ARID3A: variants seen among roughly 807,000 people sequenced by gnomAD.
ARID3A encodes AT-rich interactive domain-containing protein 3A.
ARID3A carries 11 observed loss-of-function variants against 52.7 expected under a neutral mutation model. That is an observed-to-expected ratio of 0.21 (90% confidence interval 0.13 to 0.35). ARID3A has a LOEUF of 0.35. Ranked by LOEUF, ARID3A falls within the 10% of genes least tolerant of loss-of-function variation. ARID3A has a pLI of 1.00. For synonymous variants in ARID3A, 404 were observed against 359.4 expected, an observed-to-expected ratio of 1.12 and a Z score of -1.40; for missense variants, 721 against 838.5, an observed-to-expected ratio of 0.86 and a Z score of 1.73.
intron 3 of ARID3A, among the ~76,000 whole-genome samples, chr19:955,917 G>A (rs998729337): frequency 6.6e-6 from 1 of 152,118 alleles, no homozygotes; most frequent in Non-Finnish European, 1.5e-5. Flanking sequence ...GTCCAAAATC[G>A]AGGCGTCCGC....
At position 944,059 on chromosome 19, in the gene ARID3A, C is replaced by T. The variant is rs955987713; in HGVS notation, c.693+11317C>T. On this transcript the variant is annotated intron_variant, in intron 3 of 8. Coordinates refer to ENST00000263620, the MANE Select transcript of ARID3A (RefSeq NM_005224.3). The surrounding 1 kb of genome is among the most constrained non-coding windows in gnomAD (Gnocchi z 5.9). ...GACCCTCTCATGGGCACTTACGGGG[C>T]ATCTGTATGCCAGCCCGACCCTCTC... Among the ~76,000 whole-genome samples the T allele has an allele frequency of 1.8e-4, 2 of 11,366 alleles. No individual in the cohort carries two copies. The highest frequency in any genetic ancestry group is 7.6e-4 in the Admixed American group (1 of 1,314). 7.5% of individuals were successfully genotyped at this position (11,366 alleles called of 152,430 possible).
chr19:965,162 C>A lies in ARID3A; in HGVS notation c.1198+82C>A, dbSNP rs1477363408. On this transcript the variant is annotated intron_variant, in intron 6 of 8. Transcript: ENST00000263620. Reference sequence around the variant, plus strand: ...CTGACCTTGGGGGATACCTCTTCCCCTCTCTGGGTAACCAGGATGAAAAAC... The same window carrying A: ...CTGACCTTGGGGGATACCTCTTCCCATCTCTGGGTAACCAGGATGAAAAAC... The A allele has an allele frequency of 6.2e-6, 9 of 1,440,056 alleles. No individual in the cohort carries two copies. The African/African-American group carries it at 1.1e-4, about 18-fold the overall frequency. The allele number at this position is 1,440,056 out of a possible 1,614,324, so 89.2% of individuals were successfully genotyped here. A position where few individuals can be genotyped will look rare whatever the true frequency, so the allele number is the denominator to read the frequency against.
At position 972,647 on chromosome 19, in the gene ARID3A, G is replaced by C. The variant is rs866816490; in HGVS notation, c.*582G>C. ...TTTGGGAAATTTTTTTTTCTCTGTA[G>C]GGTTTTTAAGAGGTTTCGGGGGTTT... On this transcript the variant is annotated 3_prime_UTR_variant, in exon 9 of 9. Coordinates refer to ENST00000263620, the MANE Select transcript of ARID3A (RefSeq NM_005224.3). 1 of 221,516 alleles carries C rather than the reference G, an allele frequency of 4.5e-6. No homozygotes were observed. The highest frequency in any genetic ancestry group is 2.3e-5 in the African/African-American group (1 of 44,140). The allele number at this position is 221,516 out of a possible 1,614,324, so 13.7% of individuals were successfully genotyped here.
chr19:964,914 C>T lies in ARID3A; in HGVS notation c.1032C>T (p.Ser344=). The T allele has an allele frequency of 6.2e-7, 1 of 1,613,954 alleles. No individual in the cohort carries two copies. Among genetic ancestry groups the T allele is most frequent in the Middle Eastern group, 1.6e-4 (1 of 6,062 alleles). ...NPNELQAAID[S]NRREGRRQSF... ...ATGAGCTCCAGGCAGCCATAGACAGCAACCGACGGGAGGGCCGGCGCCAGA... is the reference window on the plus strand; with the variant it reads ...ATGAGCTCCAGGCAGCCATAGACAGTAACCGACGGGAGGGCCGGCGCCAGA... Residue 344 remains serine, a synonymous_variant, in exon 6 of 9, where the codon AGC becomes AGT. Transcript: ENST00000263620. This position sits in a 1 kb window ranked among gnomAD's most constrained non-coding sequence, Gnocchi z 5.7.
At chr19:971,195 G>T (rs541420852) in intron 8 of ARID3A, among the ~76,000 whole-genome samples, 1 of 152,312 alleles carries the variant, frequency 6.6e-6, no homozygotes, top group Non-Finnish European at 1.5e-5. Context: ...GGAAGTTTAA[G>T]CTGGGCTCAC....
intron 7 of ARID3A, among the ~76,000 whole-genome samples, chr19:967,401 C>T (rs1415522600): frequency 2.6e-5 from 4 of 151,966 alleles, no homozygotes; most frequent in African/African-American, 9.7e-5. Flanking sequence ...GATGCCATCT[C>T]TACAAAAGTT....
intron 3 of ARID3A, among the ~76,000 whole-genome samples, chr19:956,167 C>A (rs2037912658): frequency 1.3e-5 from 2 of 152,154 alleles, no homozygotes; most frequent in Admixed American, 1.3e-4. Flanking sequence ...ATGGCGTTCA[C>A]CCCAGGACAG....
At chr19:934,539 T>C (rs2037400200) in intron 3 of ARID3A, among the ~76,000 whole-genome samples, 1 of 151,088 alleles carries the variant, frequency 6.6e-6, no homozygotes, top group Admixed American at 6.6e-5. Context: ...GGGAGGGGGG[T>C]CACTGTGTCA....
intron 4 of ARID3A, among the ~76,000 whole-genome samples, chr19:961,447 G>T (rs1307025507): frequency 6.6e-6 from 1 of 152,216 alleles, no homozygotes; most frequent in Non-Finnish European, 1.5e-5. Flanking sequence ...GGCTTGACCA[G>T]GGCCCACTGC....
chr19:933,073 G>A (rs561011438), intron 3 of ARID3A, among the ~76,000 whole-genome samples: 1 of 152,200 alleles, frequency 6.6e-6, no homozygotes, highest in African/African-American at 2.4e-5. Context: ...GCTGGGCTTG[G>A]GTTGGAGGAA....
At chr19:950,231 A>G (rs2037776817) in intron 3 of ARID3A, among the ~76,000 whole-genome samples, 1 of 82,490 alleles carries the variant, frequency 1.2e-5, no homozygotes, top group Non-Finnish European at 2.3e-5. Flanking sequence ...GGCCGTCCCC[A>G]GAGGGAACGG....
Position 974,837 on chromosome 19 carries a change from G to A in ARID3A, c.*2772G>A. On this transcript the variant is annotated 3_prime_UTR_variant, in exon 9 of 9. Coordinates refer to ENST00000263620, the MANE Select transcript of ARID3A (RefSeq NM_005224.3). ...CTAACTCAGAGGACTTGAGCCTGCT[G>A]TTAACTCCGATGATTGTAGGGACAG... The A allele has an allele frequency of 6.7e-6, 1 of 149,654 alleles. No homozygotes were observed. The highest frequency in any genetic ancestry group is 1.4e-5 in the Non-Finnish European group (1 of 71,316). 9.3% of individuals were successfully genotyped at this position (149,654 alleles called of 1,614,324 possible).
intron 3 of ARID3A, among the ~76,000 whole-genome samples, chr19:936,657 A>C (rs1286072279): frequency 1.3e-5 from 2 of 151,982 alleles, no homozygotes; most frequent in African/African-American, 4.8e-5. Flanking sequence ...CCTGGCTAAC[A>C]CGGTGAAACC....
rs58290960 is a variant in ARID3A at position 946,439 on chromosome 19, C to CTTT, written c.694-13634_694-13632dup. On this transcript the variant is annotated intron_variant, in intron 3 of 8. Transcript: ENST00000263620. The stretch of plus-strand genomic sequence containing the variant: ...ACCACGCCCGGCTAATTTTTTGAAT[C>CTTT]TTTTTTTTTTTTTTTTTTTTTGAGA... 1.0e-3 allele frequency among the ~76,000 whole-genome samples: 61 copies of CTTT among 60,380 alleles called. 5 individuals are homozygous for CTTT. Among genetic ancestry groups the CTTT allele is most frequent in the African/African-American group, 3.7e-3 (54 of 14,470 alleles). 39.6% of individuals were successfully genotyped at this position (60,380 alleles called of 152,430 possible). A position where few individuals can be genotyped will look rare whatever the true frequency, so the allele number is the denominator to read the frequency against.
intron 3 of ARID3A, among the ~76,000 whole-genome samples, chr19:949,456 G>C (rs1365449978): frequency 2.0e-5 from 3 of 152,164 alleles, no homozygotes; most frequent in Non-Finnish European, 2.9e-5. Flanking sequence ...GGGCTTCAGA[G>C]AGGGGCCGGA....
rs754672576 is a variant in ARID3A at position 964,453 on chromosome 19, C to T, written c.950+22C>T. On this transcript the variant is annotated intron_variant, in intron 5 of 8. Coordinates refer to ENST00000263620, the MANE Select transcript of ARID3A (RefSeq NM_005224.3). The surrounding 1 kb of genome is among the most constrained non-coding windows in gnomAD (Gnocchi z 5.7). ...CCCAGTGAGTGGCGGACGGTTGTGC[C>T]GAGGTCGGGCCAGGGCACTCTGAGC... The T allele has an allele frequency of 3.7e-5, 57 of 1,558,924 alleles. No individual in the cohort carries two copies. The highest frequency in any genetic ancestry group is 2.3e-4 in the South Asian group (20 of 85,236).
chr19:959,778 C>T lies in ARID3A; in HGVS notation c.694-314C>T, dbSNP rs2038001058. ...GGCAGAGACTGGAGCGCTGCGGCCA[C>T]AAGCCAGGACGCACCTTGATCTGGG... On this transcript the variant is annotated intron_variant, in intron 3 of 8. Transcript: ENST00000263620. This position sits in a 1 kb window ranked among gnomAD's most constrained non-coding sequence, Gnocchi z 5.0. 6.6e-6 allele frequency among the ~76,000 whole-genome samples: 1 copy of T among 152,114 alleles called. No homozygotes were observed. Among genetic ancestry groups the T allele is most frequent in the Admixed American group, 6.5e-5 (1 of 15,274 alleles).
chr19:947,713 G>A lies in ARID3A; in HGVS notation c.694-12379G>A, dbSNP rs1012294379. 1.1e-4 allele frequency among the ~76,000 whole-genome samples: 16 copies of A among 152,318 alleles called. No individual in the cohort carries two copies. The highest frequency in any genetic ancestry group is 3.4e-3 in the Middle Eastern group (1 of 294). On this transcript the variant is annotated intron_variant, in intron 3 of 8. Transcript: ENST00000263620. This position sits in a 1 kb window ranked among gnomAD's most constrained non-coding sequence, Gnocchi z 6.3. ...TCACCACGCCAGCTTCCCGGGCCGC[G>A]CTTCATTGTCATTTCTGGAGAGTGT... is the stretch of plus-strand genomic sequence containing the variant.
rs74873695 is a variant in ARID3A at position 944,325 on chromosome 19, G to GGTGTGTGTGTGTGTGT, written c.693+11592_693+11607dup. 4.0e-5 allele frequency among the ~76,000 whole-genome samples: 6 copies of GGTGTGTGTGTGTGTGT among 149,748 alleles called. No homozygotes were observed. Among genetic ancestry groups the GGTGTGTGTGTGTGTGT allele is most frequent in the African/African-American group, 1.5e-4 (6 of 40,862 alleles). ...TCTGGCTGCAGGGGCGCGTCCAGGG[G>GGTGTGTGTGTGTGTGT]GTGTGTGTGTGTGTGTGTGTGTGTC... On this transcript the variant is annotated intron_variant, in intron 3 of 8. Coordinates refer to ENST00000263620, the MANE Select transcript of ARID3A (RefSeq NM_005224.3). The surrounding 1 kb of genome is among the most constrained non-coding windows in gnomAD (Gnocchi z 5.9).
Sources: allele counts gnomAD v4.1 joint callset (sites outside exome capture counted in the v4.1 genomes callset), GRCh38; gene constraint gnomAD v4.1.1; non-coding constraint Gnocchi (gnomAD v3.1); transcripts MANE v1.5; gene names NCBI Gene and HGNC (gene_info 2026-07-23, HGNC 2026-07-21).